CATSPERD: variants seen among roughly 807,000 people sequenced by gnomAD.
CATSPERD encodes the protein cation channel sperm-associated auxiliary subunit delta.
A neutral mutation model predicts 98.1 loss-of-function variants in CATSPERD; 86 were observed. The ratio of observed to expected loss-of-function variants is 0.88; its 90% confidence interval spans 0.74 to 1.05. The LOEUF (loss-of-function observed/expected upper bound fraction) is 1.05, where lower values mean the gene tolerates loss of function less well. CATSPERD is among the 50% of genes least tolerant of loss of function. CATSPERD has a pLI of 0.00. For synonymous variants in CATSPERD, 394 were observed against 390.2 expected, an observed-to-expected ratio of 1.01 and a Z score of -0.12; for missense variants, 995 against 1,005.7, an observed-to-expected ratio of 0.99 and a Z score of 0.14.
chr19:5,729,816 T>G (rs2055679125), intron 3 of CATSPERD, 56 bp from the exon 4 acceptor site: 6 of 1,142,038 alleles, frequency 5.3e-6, no homozygotes. Context: ...TCTATTGTCT[T>G]TTTTCTTTCC....
rs75136459 is a variant in CATSPERD, at chr19:5,725,127, G to A, written c.126+265G>A. On this transcript the variant is annotated intron_variant, in intron 2 of 21. Coordinates refer to ENST00000381624, the MANE Select transcript of CATSPERD (RefSeq NM_152784.4). ...CTAAGATGGTCTGAGTTTTTATCGA[G>A]TGTTCTGTTTACTTCTCTCTCAGAT... Among the ~76,000 whole-genome samples, 50 of 152,116 alleles carry A rather than the reference G, an allele frequency of 3.3e-4. 1 individual carries two copies. The highest frequency in any genetic ancestry group is 7.4e-5 in the Non-Finnish European group (5 of 68,022).
intron 21 of CATSPERD, 32 bp from the exon 22 acceptor site, chr19:5,778,344 C>G: frequency 6.4e-7 from 1 of 1,572,070 alleles, no homozygotes; most frequent in Non-Finnish European, 8.6e-7. Context: ...AGGCAATGCC[C>G]AACAGCCTCT....
intron 18 of CATSPERD, among the ~76,000 whole-genome samples, chr19:5,770,351 A>AC (rs1249794379): frequency 6.7e-6 from 1 of 148,356 alleles, no homozygotes; most frequent in African/African-American, 2.5e-5. Context: ...AATCACTTGA[A>AC]CCCGGGAGAG....
chr19:5,772,882 C>T lies in CATSPERD; in HGVS notation c.1858C>T (p.Gln620Ter), dbSNP rs1165124030. The T allele has an allele frequency of 2.5e-6, 4 of 1,613,984 alleles. No individual in the cohort carries two copies. The highest frequency in any genetic ancestry group is 2.2e-5 in the East Asian group (1 of 44,888). ...QFSYSYSLTA[Q>*]SAMCTSQPQN... ...CTCATACTCCTATTCCCTGACGGCC[C>T]AGTCGGCCATGTGTACCTCCCAGCC... Residue 620 changes from glutamine to a stop codon, truncating the protein, a stop_gained, in exon 20 of 22, where the codon CAG becomes TAG. Transcript: ENST00000381624. LOFTEE classifies it high-confidence loss of function.
chr19:5,741,118 C>A (rs186173985), intron 7 of CATSPERD, among the ~76,000 whole-genome samples: 1 of 151,916 alleles, frequency 6.6e-6, no homozygotes, highest in East Asian at 1.9e-4. Context: ...AAGCTAATGC[C>A]CTAGTAAAGG....
At chr19:5,737,353 G>C in intron 6 of CATSPERD, 148 bp downstream of exon 6, 1 of 554,970 alleles carries the variant, frequency 1.8e-6, no homozygotes, top group Admixed American at 3.1e-5. Flanking sequence ...TGAAGCCCAG[G>C]AGTTTGAGAC....
chr19:5,732,217 C>T (rs947928060), intron 4 of CATSPERD, among the ~76,000 whole-genome samples: 5 of 151,798 alleles, frequency 3.3e-5, no homozygotes, highest in Admixed American at 6.6e-5. Context: ...TCAGGTGATC[C>T]GTCTTGTTCT....
chr19:5,722,160 C>T (rs1201109560), intron 1 of CATSPERD, among the ~76,000 whole-genome samples: 4 of 151,718 alleles, frequency 2.6e-5, no homozygotes, highest in Non-Finnish European at 2.9e-5. Flanking sequence ...TTGTTCTCGT[C>T]GCCCAGGCTG....
chr19:5,754,590 G>T (rs1398819311), intron 13 of CATSPERD, among the ~76,000 whole-genome samples: 4 of 151,846 alleles, frequency 2.6e-5, no homozygotes, highest in Admixed American at 6.6e-5. Context: ...TGGAGACGGG[G>T]TTCCCCCATG....
intron 4 of CATSPERD, among the ~76,000 whole-genome samples, chr19:5,733,286 G>T (rs1027038002): frequency 6.7e-6 from 1 of 148,562 alleles, no homozygotes; most frequent in Non-Finnish European, 1.5e-5. Context: ...AAGCCACTGC[G>T]CCTGGTCTCT....
Position 5,751,813 on chromosome 19 carries a change from G to C in CATSPERD, c.1154G>C (p.Gly385Ala), listed in dbSNP as rs1205676240. ...ALLMDPELHV[G>A]KCKIEFLTGE... Reference sequence around the variant, plus strand: ...CTCATGGACCCTGAACTCCACGTTGGAAAGTGCAAGGTATGTGATCCTAAC... The same window carrying C: ...CTCATGGACCCTGAACTCCACGTTGCAAAGTGCAAGGTATGTGATCCTAAC... Residue 385 changes from glycine to alanine, a missense_variant, in exon 12 of 22, where the codon GGA (glycine) becomes GCA (alanine). By Grantham distance (60) the Gly-to-Ala change is moderately conservative (BLOSUM62 0). Coordinates refer to ENST00000381624, the MANE Select transcript of CATSPERD (RefSeq NM_152784.4). 2 of 1,611,404 alleles carry C rather than the reference G, an allele frequency of 1.2e-6. No homozygotes were observed. Among genetic ancestry groups the C allele is most frequent in the Non-Finnish European group, 1.7e-6 (2 of 1,178,832 alleles).
At chr19:5,748,595 C>T (rs1213969296) in intron 10 of CATSPERD, among the ~76,000 whole-genome samples, 2 of 142,140 alleles carry the variant, frequency 1.4e-5, no homozygotes, top group African/African-American at 2.6e-5. Context: ...CACCATGGCA[C>T]TCCAGCCTGG....
At chr19:5,738,514 GA>G (rs1158803281) in intron 6 of CATSPERD, among the ~76,000 whole-genome samples, 1 of 152,080 alleles carries the variant, frequency 6.6e-6, no homozygotes, top group African/African-American at 2.4e-5. Context: ...TGGGGCAATA[GA>G]GCCAGAACTT....
chr19:5,763,048 G>A (rs1291360823), intron 15 of CATSPERD, among the ~76,000 whole-genome samples, 167 bp from the exon 16 acceptor site: 4 of 151,508 alleles, frequency 2.6e-5, no homozygotes, highest in African/African-American at 9.7e-5. Flanking sequence ...AAGGGTGGAT[G>A]GATGGATGAA....
At chr19:5,731,721 G>A (rs1027802507) in intron 4 of CATSPERD, among the ~76,000 whole-genome samples, 20 of 149,494 alleles carry the variant, frequency 1.3e-4, no homozygotes, top group South Asian at 2.1e-4. Context: ...GACTACAGGC[G>A]CCCGCCACCG....
chr19:5,740,132 T>C (rs1021360432), intron 7 of CATSPERD, among the ~76,000 whole-genome samples: 2 of 150,498 alleles, frequency 1.3e-5, no homozygotes, highest in Non-Finnish European at 3.0e-5. Flanking sequence ...AAGTACAAAA[T>C]GGGCTGGGCG....
chr19:5,729,926 C>A lies in CATSPERD; in HGVS notation c.258C>A (p.Thr86=). ...DNFETSLLPF[T]IPTSMQVGVP... ...TTGAGACTAGTCTCCTTCCATTTAC[C>A]ATCCCTACATCAATGCAGGTAGTTA... Residue 86 remains threonine, a synonymous_variant, in exon 4 of 22, where the codon ACC becomes ACA. Coordinates refer to ENST00000381624, the MANE Select transcript of CATSPERD (RefSeq NM_152784.4). 1 of 1,589,848 alleles carries A rather than the reference C, an allele frequency of 6.3e-7. No homozygotes were observed. The highest frequency in any genetic ancestry group is 1.1e-5 in the South Asian group (1 of 88,698).
intron 20 of CATSPERD, chr19:5,775,354 A>C (rs2056721874): frequency 2.2e-6 from 1 of 462,916 alleles, no homozygotes; most frequent in Admixed American, 2.4e-5. Flanking sequence ...AACAGCAGGG[A>C]GGGGCCAGGC....
rs367986050 is a variant in CATSPERD, at chr19:5,757,833, C to T, written c.1279-10C>T. The T allele has an allele frequency of 8.9e-5, 144 of 1,610,484 alleles. No homozygotes were observed. The highest frequency in any genetic ancestry group is 1.1e-4 in the Non-Finnish European group (128 of 1,178,060). On this transcript the variant is annotated splice_polypyrimidine_tract_variant and intron_variant, in intron 13 of 21. Transcript: ENST00000381624. Reference sequence around the variant, plus strand: ...TCCGTACAGCCTGAGCTTCTCTCCCCCACTCCCAGGTGATGGTGAGCAACC... The same window carrying T: ...TCCGTACAGCCTGAGCTTCTCTCCCTCACTCCCAGGTGATGGTGAGCAACC...
Sources: gnomAD v4.1 joint callset for allele counts (sites outside exome capture counted in the v4.1 genomes callset) on GRCh38, gnomAD v4.1.1 for gene constraint, MANE v1.5 for transcripts, NCBI Gene and HGNC (gene_info 2026-07-23, HGNC 2026-07-21) for gene names.